The following ANO2 variants were observed in gnomAD, a reference collection of about 807,000 sequenced individuals.
The protein encoded by ANO2 is anoctamin 2.
ANO2 carries 101 observed loss-of-function variants against 124.2 expected under a neutral mutation model. The observed-to-expected ratio is 0.81, with a 90% CI of 0.69 to 0.96. ANO2 has a LOEUF of 0.96. Ranked by LOEUF, ANO2 falls within the 40% of genes least tolerant of loss-of-function variation. ANO2 has a pLI of 0.00. For synonymous variants in ANO2, 486 were observed against 482.5 expected (o/e 1.01, Z -0.09); for missense variants, 1,293 against 1,274.5 (o/e 1.01, Z -0.22).
At chr12:5,659,239 T>C (rs979734752) in intron 14 of ANO2, among the ~76,000 whole-genome samples, 3 of 152,130 alleles carry the variant, frequency 2.0e-5, no homozygotes, top group African/African-American at 7.2e-5. Context: ...AAATACTTCC[T>C]CCTCCAGGAA....
rs139340752 is a variant in ANO2 at position 5,871,570 on chromosome 12, C to G, written c.535-17429G>C. On this transcript the variant is annotated intron_variant, in intron 3 of 24. Coordinates refer to ENST00000682330, the MANE Select transcript of ANO2 (RefSeq NM_001364791.2). ...AGCAGTATTATAACTCACAGGAGCACCGACCCTATTGTGATCTGTGCACGC... is the reference window on the plus strand; with the variant it reads ...AGCAGTATTATAACTCACAGGAGCAGCGACCCTATTGTGATCTGTGCACGC... Among the ~76,000 whole-genome samples the G allele has an allele frequency of 1.1e-3, 166 of 152,280 alleles. No homozygotes were observed. In the Middle Eastern group the frequency reaches 0.014, roughly 12 times the overall value.
intron 12 of ANO2, chr12:5,739,906 A>C (rs1752194694): frequency 2.2e-6 from 1 of 456,038 alleles, no homozygotes; most frequent in African/African-American, 2.0e-5. Context: ...TAACAGTTCT[A>C]CCTGACTCCA....
At chr12:5,714,087 C>T (rs984875513) in intron 14 of ANO2, among the ~76,000 whole-genome samples, 2 of 152,238 alleles carry the variant, frequency 1.3e-5, no homozygotes, top group Admixed American at 6.5e-5. Flanking sequence ...TCTTACACTG[C>T]CAATTGTCTA....
At chr12:5,943,271 GTGTGTT>G (rs920930454) in intron 1 of ANO2, among the ~76,000 whole-genome samples, 15 of 89,910 alleles carry the variant, frequency 1.7e-4, no homozygotes, top group Admixed American at 3.0e-4. Flanking sequence ...GTGTTTGAGT[GTGTGTT>G]TGTGTGTGTG....
At chr12:5,924,902 T>C (rs114000967) in intron 1 of ANO2, among the ~76,000 whole-genome samples, 4,606 of 152,238 alleles carry the variant, frequency 0.03, 236 homozygotes, top group African/African-American at 0.11. Context: ...ATAAACGGAA[T>C]TGATTGAGGC....
chr12:5,725,099 AC>A (rs1950385229), intron 14 of ANO2, among the ~76,000 whole-genome samples: 1 of 52,234 alleles, frequency 1.9e-5, no homozygotes, highest in Admixed American at 1.8e-4. Flanking sequence ...TCTCCCTCTC[AC>A]ACACACACAC....
intron 7 of ANO2, among the ~76,000 whole-genome samples, chr12:5,823,062 A>C (rs1953855446): frequency 6.6e-6 from 1 of 152,218 alleles, no homozygotes; most frequent in African/African-American, 2.4e-5. Flanking sequence ...AACACATGGG[A>C]ATTCTGGGAG....
At chr12:5,683,030 A>C (rs577264473) in intron 14 of ANO2, among the ~76,000 whole-genome samples, 16 of 152,214 alleles carry the variant, frequency 1.1e-4, no homozygotes, top group African/African-American at 3.6e-4. Context: ...ATGTCACCAA[A>C]ACCCCAAGCC....
chr12:5,732,843 C>A lies in ANO2; in HGVS notation c.1435-213G>T, dbSNP rs371541027. 87 of 1,613,718 alleles carry A rather than the reference C, an allele frequency of 5.4e-5. 1 individual carries two copies. Among genetic ancestry groups the A allele is most frequent in the Non-Finnish European group, 7.6e-6 (9 of 1,179,784 alleles). On this transcript the variant is annotated intron_variant, in intron 13 of 24. Transcript: ENST00000682330. ...GAAGAGACAAGGGACACACAACACT[C>A]GTTATCACACTGAAAACCAAACCTG... is the stretch of plus-strand genomic sequence containing the variant.
chr12:5,657,496 T>C (rs1483768227), intron 14 of ANO2, among the ~76,000 whole-genome samples: 2 of 151,696 alleles, frequency 1.3e-5, no homozygotes, highest in African/African-American at 2.4e-5. Flanking sequence ...TTTTCCATTT[T>C]TTTTTTTTGT....
rs1169095738 is a variant in ANO2, at chr12:5,565,671, A to T, written c.2622-8T>A. 16 of 1,579,754 alleles carry T rather than the reference A, an allele frequency of 1.0e-5. No individual in the cohort carries two copies. The highest frequency in any genetic ancestry group is 2.3e-5 in the East Asian group (1 of 43,616). On this transcript the variant is annotated splice_polypyrimidine_tract_variant and splice_region_variant and intron_variant, in intron 23 of 24. Transcript: ENST00000682330. The stretch of plus-strand genomic sequence containing the variant: ...TCTCGGTAATCCTTAAACCTGCCCA[A>T]AGAGAAATGTGGTGTTAAGATCAGG...
intron 19 of ANO2, among the ~76,000 whole-genome samples, chr12:5,601,154 T>C (rs909573613): frequency 2.0e-5 from 3 of 152,094 alleles, no homozygotes; most frequent in African/African-American, 4.8e-5. Context: ...ATCTTTAAAA[T>C]GGAGAAATAA....
rs111396649 is a variant in ANO2, at chr12:5,890,045, A to AT, written c.534+30994dup. 9.3e-3 allele frequency among the ~76,000 whole-genome samples: 1,332 copies of AT among 143,938 alleles called. 3 individuals carry two copies. Among genetic ancestry groups the AT allele is most frequent in the Admixed American group, 0.013 (182 of 14,296 alleles). The allele number at this position is 143,938 out of a possible 152,430, so 94.4% of individuals were successfully genotyped here. The stretch of plus-strand genomic sequence containing the variant: ...CTGTGGCCCTGGGGCTTAAAATTCC[A>AT]TTTTTTTTTTTTTTCTGTCCAGACC... On this transcript the variant is annotated intron_variant, in intron 3 of 24. Coordinates refer to ENST00000682330, the MANE Select transcript of ANO2 (RefSeq NM_001364791.2).
chr12:5,827,949 C>A, intron 6 of ANO2, 129 bp from the exon 7 acceptor site: 1 of 965,358 alleles, frequency 1.0e-6, no homozygotes, highest in Non-Finnish European at 1.5e-6. Flanking sequence ...CGAAGCCAAG[C>A]ATGTGCCTGG....
chr12:5,880,169 A>G (rs1938386148), intron 3 of ANO2, among the ~76,000 whole-genome samples: 1 of 152,206 alleles, frequency 6.6e-6, no homozygotes, highest in Non-Finnish European at 1.5e-5. Flanking sequence ...AACCAGCAAG[A>G]CAAGGAATAA....
chr12:5,569,905 T>C (rs576171954), intron 23 of ANO2, among the ~76,000 whole-genome samples: 1 of 152,326 alleles, frequency 6.6e-6, no homozygotes, highest in East Asian at 1.9e-4. Flanking sequence ...CTTATATACA[T>C]ACACAATATG....
chr12:5,893,670 G>A (rs746652771), intron 3 of ANO2, among the ~76,000 whole-genome samples: 5 of 150,972 alleles, frequency 3.3e-5, no homozygotes, highest in Non-Finnish European at 7.4e-5. Flanking sequence ...GCCCCAGTGT[G>A]TGATGTTCCC....
rs35224024 is a variant in ANO2 at position 5,638,237 on chromosome 12, C to CTTTTTTTTTTTTTTT, written c.1621-2905_1621-2891dup. ...ATCTTCACTAGCACTGTTTCTTTTCCTTTTTTTTTTTTTTTTGAGACGGAG... is the reference window on the plus strand; with the variant it reads ...ATCTTCACTAGCACTGTTTCTTTTCCTTTTTTTTTTTTTTTTTTTTTTTTTTTTTTTGAGACGGAG... On this transcript the variant is annotated intron_variant, in intron 15 of 24. Coordinates refer to ENST00000682330, the MANE Select transcript of ANO2 (RefSeq NM_001364791.2). 4.5e-3 allele frequency among the ~76,000 whole-genome samples: 558 copies of CTTTTTTTTTTTTTTT among 124,750 alleles called. 35 individuals carry two copies. The highest frequency in any genetic ancestry group is 8.7e-3 in the Middle Eastern group (2 of 230). 81.8% of individuals were successfully genotyped at this position (124,750 alleles called of 152,430 possible).
intron 3 of ANO2, among the ~76,000 whole-genome samples, chr12:5,911,043 C>T (rs374738766): frequency 2.0e-4 from 30 of 152,296 alleles, no homozygotes; most frequent in African/African-American, 6.7e-4. Flanking sequence ...GTTGATTTCA[C>T]CCAGACCTTC....
Sources: allele counts gnomAD v4.1 joint callset (sites outside exome capture counted in the v4.1 genomes callset), GRCh38; gene constraint gnomAD v4.1.1; transcripts MANE v1.5; gene names NCBI Gene and HGNC (gene_info 2026-07-23, HGNC 2026-07-21).